DKK2: variants seen among roughly 807,000 people sequenced by gnomAD.
The protein encoded by DKK2 is dickkopf-related protein 2.
In DKK2, 11 loss-of-function variants were observed where a neutral mutation model predicts 28.1. That is an observed-to-expected ratio of 0.39 (90% confidence interval 0.25 to 0.65). DKK2 has a LOEUF of 0.65. Ranked by LOEUF, DKK2 falls within the 30% of genes least tolerant of loss-of-function variation. DKK2 has a pLI of 0.47. For synonymous variants in DKK2, 135 were observed against 126.5 expected, an observed-to-expected ratio of 1.07 and a Z score of -0.45; for missense variants, 326 against 335.5, an observed-to-expected ratio of 0.97 and a Z score of 0.22.
chr4:107,011,712 T>TGTGTGGGGGG (rs1040184955), intron 1 of DKK2, among the ~76,000 whole-genome samples: 12 of 151,378 alleles, frequency 7.9e-5, no homozygotes, highest in African/African-American at 2.9e-4. Context: ...TGTGTGTGTG[T>TGTGTGGGGGG]GGGTGTGTAT....
At chr4:106,949,862 C>T (rs1724833007) in intron 1 of DKK2, among the ~76,000 whole-genome samples, 1 of 152,032 alleles carries the variant, frequency 6.6e-6, no homozygotes, top group Non-Finnish European at 1.5e-5. Flanking sequence ...AAACCAAACA[C>T]CTAGACAGAA....
intron 1 of DKK2, among the ~76,000 whole-genome samples, chr4:106,952,649 T>C (rs913352872): frequency 6.6e-6 from 1 of 152,144 alleles, no homozygotes; most frequent in Non-Finnish European, 1.5e-5. Flanking sequence ...AGTGAGTCCA[T>C]AAAGTAAGCA....
At chr4:106,963,901 C>T (rs540489085) in intron 1 of DKK2, among the ~76,000 whole-genome samples, 1 of 152,242 alleles carries the variant, frequency 6.6e-6, no homozygotes, top group East Asian at 1.9e-4. Flanking sequence ...CATATGTATA[C>T]CCGGTTTTCC....
intron 1 of DKK2, among the ~76,000 whole-genome samples, chr4:106,941,503 A>G (rs1724698433): frequency 6.6e-6 from 1 of 152,124 alleles, no homozygotes; most frequent in Non-Finnish European, 1.5e-5. Flanking sequence ...AACCTGTAAA[A>G]TAGGTAAGGA....
intron 1 of DKK2, among the ~76,000 whole-genome samples, chr4:106,935,263 G>A (rs893757590): frequency 5.9e-5 from 9 of 152,172 alleles, no homozygotes; most frequent in African/African-American, 1.4e-4. Context: ...TGCGCGCACC[G>A]TGTGCGAGCC....
chr4:106,950,269 A>T lies in DKK2; in HGVS notation c.223-24320T>A, dbSNP rs78930985. ...AGACCAAAAACCTTGGAGCAATTCT[A>T]ATTTCCCTTCTCACTCCCAACTTTA... On this transcript the variant is annotated intron_variant, in intron 1 of 3. Transcript: ENST00000285311. Among the ~76,000 whole-genome samples the T allele has an allele frequency of 7.2e-3, 1,100 of 152,262 alleles. 9 individuals are homozygous for T. The highest frequency in any genetic ancestry group is 0.025 in the African/African-American group (1,054 of 41,558).
At chr4:107,000,928 C>A (rs895652952) in intron 1 of DKK2, among the ~76,000 whole-genome samples, 1 of 152,038 alleles carries the variant, frequency 6.6e-6, no homozygotes, top group Non-Finnish European at 1.5e-5. Flanking sequence ...ACTGTACTAA[C>A]CGTAACAGGT....
chr4:107,014,070 C>G (rs1723555833), intron 1 of DKK2, among the ~76,000 whole-genome samples: 1 of 151,424 alleles, frequency 6.6e-6, no homozygotes, highest in African/African-American at 2.4e-5. Context: ...TTATAACAAA[C>G]AGTATGGAGT....
rs1723075515 is a variant in DKK2 at position 106,983,899 on chromosome 4, C to T, written c.222+51471G>A. Among the ~76,000 whole-genome samples, 4 of 152,020 alleles carry T rather than the reference C, an allele frequency of 2.6e-5. No homozygotes were observed. In the South Asian group the frequency reaches 8.3e-4, roughly 31 times the overall value. ...TTATTAGGGAAATGCAAATTAAAAC[C>T]ACAATAGGATATCAGTACACACCTA... On this transcript the variant is annotated intron_variant, in intron 1 of 3. Transcript: ENST00000285311.
chr4:106,974,128 G>A (rs999348633), intron 1 of DKK2, among the ~76,000 whole-genome samples: 1 of 152,154 alleles, frequency 6.6e-6, no homozygotes, highest in African/African-American at 2.4e-5. Flanking sequence ...GTACCATGCT[G>A]TTTTGGTTAC....
intron 1 of DKK2, among the ~76,000 whole-genome samples, chr4:107,020,724 A>G (rs1347954911): frequency 6.6e-6 from 1 of 152,120 alleles, no homozygotes; most frequent in Non-Finnish European, 1.5e-5. Context: ...TGTGGAATCT[A>G]AAACAATTGA....
chr4:106,933,749 A>G (rs543556654), intron 1 of DKK2, among the ~76,000 whole-genome samples: 10 of 152,194 alleles, frequency 6.6e-5, no homozygotes, highest in Non-Finnish European at 1.2e-4. Context: ...TGAAAATGAC[A>G]TTTAAAATTC....
intron 1 of DKK2, among the ~76,000 whole-genome samples, chr4:106,951,886 TG>T (rs1371120441): frequency 6.6e-6 from 1 of 152,144 alleles, no homozygotes; most frequent in Admixed American, 6.6e-5. Context: ...GTCTACCATT[TG>T]GGAAAACATT....
At chr4:107,030,417 C>T (rs1055391216) in intron 1 of DKK2, among the ~76,000 whole-genome samples, 2 of 151,978 alleles carry the variant, frequency 1.3e-5, no homozygotes, top group East Asian at 3.8e-4. Flanking sequence ...TGCAATATGT[C>T]TATCAATTAT....
chr4:106,968,113 AAG>A (rs1423897934), intron 1 of DKK2, among the ~76,000 whole-genome samples: 1 of 148,654 alleles, frequency 6.7e-6, no homozygotes, highest in Non-Finnish European at 1.5e-5. Flanking sequence ...AGGTGGAGAA[AAG>A]AGAGGGAAGG....
At chr4:106,950,047 T>C (rs1244435794) in intron 1 of DKK2, among the ~76,000 whole-genome samples, 3 of 152,210 alleles carry the variant, frequency 2.0e-5, no homozygotes, top group Non-Finnish European at 1.5e-5. Flanking sequence ...TGTCTTGCAT[T>C]GTACAACTTT....
intron 1 of DKK2, among the ~76,000 whole-genome samples, chr4:107,034,456 C>A (rs980232630): frequency 6.6e-6 from 1 of 152,198 alleles, no homozygotes; most frequent in African/African-American, 2.4e-5. Context: ...CCAGCCACAA[C>A]TGGTACCGAG....
intron 1 of DKK2, among the ~76,000 whole-genome samples, chr4:106,937,574 C>A (rs1320961270): frequency 1.3e-5 from 2 of 151,818 alleles, no homozygotes; most frequent in African/African-American, 2.4e-5. Flanking sequence ...AGAAAGTCAA[C>A]AAGGATACCC....
intron 1 of DKK2, among the ~76,000 whole-genome samples, chr4:106,991,917 A>T (rs1284574236): frequency 6.6e-6 from 1 of 152,140 alleles, no homozygotes; most frequent in African/African-American, 2.4e-5. Context: ...CTGGATCTTC[A>T]CTGCAGTTGT....
Sources: allele counts gnomAD v4.1 joint callset (sites outside exome capture counted in the v4.1 genomes callset), GRCh38; gene constraint gnomAD v4.1.1; transcripts MANE v1.5; gene names NCBI Gene and HGNC (gene_info 2026-07-23, HGNC 2026-07-21).